TRHDE: variants seen among roughly 807,000 people sequenced by gnomAD.
TRHDE encodes the protein thyrotropin-releasing hormone-degrading ectoenzyme.
In TRHDE, 72 loss-of-function variants were observed where a neutral mutation model predicts 125.7. The observed-to-expected ratio is 0.57, with a 90% CI of 0.47 to 0.70. The LOEUF is 0.70. TRHDE is among the 30% of genes least tolerant of loss of function. The pLI, the probability that TRHDE is intolerant of heterozygous loss-of-function variation, is 0.00. For synonymous variants in TRHDE, 509 were observed against 509.1 expected (o/e 1.00, Z 0.00); for missense variants, 1,110 against 1,327.1 (o/e 0.84, Z 2.54).
chr12:72,304,426 C>G (rs1343849152), intron 2 of TRHDE, among the ~76,000 whole-genome samples: 1 of 152,070 alleles, frequency 6.6e-6, no homozygotes. Context: ...CCCAATAATC[C>G]AGAGGATCAT....
chr12:72,238,368 T>A (rs1212731694), intron 2 of TRHDE, among the ~76,000 whole-genome samples: 4 of 79,412 alleles, frequency 5.0e-5, no homozygotes, highest in Non-Finnish European at 1.1e-4. Context: ...TATATACACA[T>A]ACATATATAT....
chr12:72,232,206 CACAG>C (rs1592493160), intron 2 of TRHDE, among the ~76,000 whole-genome samples: 1 of 152,144 alleles, frequency 6.6e-6, no homozygotes, highest in Non-Finnish European at 1.5e-5. Flanking sequence ...CAAGGGCAGG[CACAG>C]ACAGAGACTT....
intron 1 of TRHDE, among the ~76,000 whole-genome samples, chr12:72,284,765 T>C (rs1349760107): frequency 6.6e-6 from 1 of 152,216 alleles, no homozygotes; most frequent in Non-Finnish European, 1.5e-5. Context: ...TTTTTCAACT[T>C]AGAAATTTAT....
chr12:72,378,130 T>G lies in TRHDE; in HGVS notation c.1315+9T>G, dbSNP rs1292866423. 7 of 1,565,666 alleles carry G rather than the reference T, an allele frequency of 4.5e-6. No homozygotes were observed. In the East Asian group the frequency reaches 1.6e-4, roughly 35 times the overall value. ...TTCCTTGCCAAAACTAGGTAAGAAT[T>G]TTCTTGGTTATTTTATTGGAAGGGC... On this transcript the variant is annotated intron_variant, in intron 3 of 18. Coordinates refer to ENST00000261180, the MANE Select transcript of TRHDE (RefSeq NM_013381.3).
At chr12:72,653,602 T>C (rs1874594588) in intron 17 of TRHDE, among the ~76,000 whole-genome samples, 2 of 152,058 alleles carry the variant, frequency 1.3e-5, no homozygotes, top group Admixed American at 6.6e-5. Context: ...AACCATGATA[T>C]AGAGAAGGAA....
chr12:72,510,094 CT>C (rs553066955), intron 6 of TRHDE, among the ~76,000 whole-genome samples: 1 of 152,152 alleles, frequency 6.6e-6, no homozygotes, highest in Non-Finnish European at 1.5e-5. Context: ...GTGAGCTCAG[CT>C]ACTCTCCTGC....
intron 5 of TRHDE, among the ~76,000 whole-genome samples, chr12:72,481,956 A>G (rs752842242): frequency 3.3e-5 from 5 of 151,940 alleles, no homozygotes; most frequent in Non-Finnish European, 5.9e-5. Flanking sequence ...GATTTTATTT[A>G]TAGTTCAGTG....
intron 3 of TRHDE, among the ~76,000 whole-genome samples, chr12:72,469,211 A>G (rs1876528189): frequency 1.3e-5 from 2 of 152,218 alleles, no homozygotes; most frequent in South Asian, 4.1e-4. Flanking sequence ...TTTTTTTTCC[A>G]TTATATCCAC....
chr12:72,205,289 T>G (rs1288698302), intron 2 of TRHDE, among the ~76,000 whole-genome samples: 2 of 151,942 alleles, frequency 1.3e-5, no homozygotes, highest in Non-Finnish European at 2.9e-5. Flanking sequence ...GAATTAGAAT[T>G]AATACTCTTC....
chr12:72,298,101 G>A (rs1226696627), intron 2 of TRHDE, among the ~76,000 whole-genome samples: 1 of 152,146 alleles, frequency 6.6e-6, no homozygotes, highest in Non-Finnish European at 1.5e-5. Flanking sequence ...CTGCCCTGAG[G>A]TTTAAGAGTC....
chr12:72,172,556 G>A (rs767231820), intron 2 of TRHDE, among the ~76,000 whole-genome samples: 1 of 152,088 alleles, frequency 6.6e-6, no homozygotes, highest in African/African-American at 2.4e-5. Context: ...AGATTCAAGG[G>A]TATGACCAAT....
At chr12:72,215,840 C>T (rs146319431) in intron 2 of TRHDE, among the ~76,000 whole-genome samples, 353 of 152,190 alleles carry the variant, frequency 2.3e-3, no homozygotes, top group African/African-American at 8.0e-3. Context: ...AATTTGGAAA[C>T]GAAGCAGCTA....
At chr12:72,225,630 C>T (rs1031606638) in intron 2 of TRHDE, among the ~76,000 whole-genome samples, 27 of 152,142 alleles carry the variant, frequency 1.8e-4, no homozygotes, top group Admixed American at 1.5e-3. Context: ...TAATGTAATA[C>T]GTGAAAGGTC....
At chr12:72,652,934 A>G in intron 16 of TRHDE, 82 bp from the exon 17 acceptor site, 1 of 1,179,312 alleles carries the variant, frequency 8.5e-7, no homozygotes. Context: ...AATATGACAA[A>G]CTAGGTCCTA....
intron 2 of TRHDE, among the ~76,000 whole-genome samples, chr12:72,355,719 C>A (rs553832823): frequency 6.6e-6 from 1 of 151,576 alleles, no homozygotes; most frequent in African/African-American, 2.4e-5. Context: ...GAGAAAACAA[C>A]CCCATTAAAA....
At chr12:72,236,591 A>G (rs1046680828) in intron 2 of TRHDE, among the ~76,000 whole-genome samples, 2 of 152,038 alleles carry the variant, frequency 1.3e-5, no homozygotes, top group African/African-American at 2.4e-5. Context: ...ATTATGCCAT[A>G]GCATAAATCA....
rs1419784977 is a variant in TRHDE, at chr12:72,659,679, TG to T, written c.3066+2672del. On this transcript the variant is annotated intron_variant, in intron 18 of 18. Coordinates refer to ENST00000261180, the MANE Select transcript of TRHDE (RefSeq NM_013381.3). The stretch of plus-strand genomic sequence containing the variant: ...TTTTTAATAGAAAAATTAACAAACA[TG>T]CTTCAAAGTTTTATGCTAAGAAGAT... 3.3e-5 allele frequency among the ~76,000 whole-genome samples: 5 copies of T among 152,274 alleles called. No individual in the cohort carries two copies. The East Asian group carries it at 9.6e-4, about 29-fold the overall frequency.
intron 3 of TRHDE, among the ~76,000 whole-genome samples, chr12:72,453,408 C>T (rs907316772): frequency 2.0e-5 from 3 of 152,116 alleles, no homozygotes; most frequent in Non-Finnish European, 2.9e-5. Flanking sequence ...ATGGCTGCTT[C>T]TAATAGCCTA....
chr12:72,143,593 C>A (rs1264797408), intron 2 of TRHDE, among the ~76,000 whole-genome samples: 1 of 152,028 alleles, frequency 6.6e-6, no homozygotes, highest in Non-Finnish European at 1.5e-5. Flanking sequence ...TCTTTACCTG[C>A]ATTTCCCATA....
Sources: gnomAD v4.1 joint callset for allele counts (sites outside exome capture counted in the v4.1 genomes callset) on GRCh38, gnomAD v4.1.1 for gene constraint, MANE v1.5 for transcripts, NCBI Gene and HGNC (gene_info 2026-07-23, HGNC 2026-07-21) for gene names.